CRMP1: variants seen among roughly 807,000 people sequenced by gnomAD.
CRMP1 encodes the protein dihydropyrimidinase-related protein 1.
CRMP1 carries 19 observed loss-of-function variants against 68.3 expected under a neutral mutation model. The ratio of observed to expected loss-of-function variants is 0.28; its 90% CI spans 0.19 to 0.41. CRMP1 has a LOEUF of 0.41. Among genes scored for constraint, CRMP1 ranks in the 10% least tolerant of loss-of-function variants. The probability of loss-of-function intolerance (pLI) is 1.00; values close to 1 mark genes in which losing one functional copy is unlikely to be tolerated. For missense variants in CRMP1, 791 were observed against 967.4 expected (o/e 0.82, Z 2.42); for synonymous variants, 439 against 399.6 (o/e 1.10, Z -1.18).
chr4:5,840,117 C>T (rs1711597961), intron 8 of CRMP1, among the ~76,000 whole-genome samples: 1 of 152,126 alleles, frequency 6.6e-6, no homozygotes, highest in South Asian at 2.1e-4. Flanking sequence ...GAGGAAGTGA[C>T]ATAAGGCAGG....
chr4:5,851,340 C>T (rs1712600547), intron 5 of CRMP1, 68 bp downstream of exon 5: 1 of 1,419,402 alleles, frequency 7.0e-7, no homozygotes, highest in African/African-American at 1.4e-5. Flanking sequence ...CCCTGTGCTG[C>T]CTGGACTGGC....
intron 3 of CRMP1, among the ~76,000 whole-genome samples, chr4:5,857,048 A>ACCACCAT (rs1713166774): frequency 1.0e-5 from 1 of 99,306 alleles, no homozygotes; most frequent in African/African-American, 3.9e-5. Context: ...CACTATTATC[A>ACCACCAT]CCACTATCAT....
chr4:5,868,261 C>CTATATATA lies in CRMP1; in HGVS notation c.382-1513_382-1506dup, dbSNP rs60816757. 2.4e-3 allele frequency among the ~76,000 whole-genome samples: 263 copies of CTATATATA among 111,364 alleles called. 1 individual carries two copies. Among genetic ancestry groups the CTATATATA allele is most frequent in the Non-Finnish European group, 3.1e-3 (175 of 56,210 alleles). The allele number at this position is 111,364 out of a possible 152,430, so 73.1% of individuals were successfully genotyped here. A position where few individuals can be genotyped will look rare whatever the true frequency, so the allele number is the denominator to read the frequency against. On this transcript the variant is annotated intron_variant, in intron 1 of 13. Coordinates refer to ENST00000324989, the MANE Select transcript of CRMP1 (RefSeq NM_001014809.3). ...CCGCACATTCTTCATGACTATATATCTATATATATATATATATATATATAT... is the reference window on the plus strand; with the variant it reads ...CCGCACATTCTTCATGACTATATATCTATATATATATATATATATATATATATATATAT...
Position 5,870,074 on chromosome 4 carries a change from T to C in CRMP1, c.382-3318A>G, listed in dbSNP as rs918084223. 3.3e-5 allele frequency among the ~76,000 whole-genome samples: 5 copies of C among 152,210 alleles called. No homozygotes were observed. The highest frequency in any genetic ancestry group is 6.5e-5 in the Admixed American group (1 of 15,282). On this transcript the variant is annotated intron_variant, in intron 1 of 13. Transcript: ENST00000324989. The surrounding 1 kb of genome is among the most constrained non-coding windows in gnomAD (Gnocchi z 6.0). ...CATGCAGTCGGCTGCTCAAAGCTTC[T>C]TGCATCAGAATCATACTTCCCTCAG... is the stretch of plus-strand genomic sequence containing the variant.
In CRMP1 at chr4:5,843,019, T is replaced by A; in HGVS notation, c.1032+74A>T. The A allele has an allele frequency of 6.9e-7, 1 of 1,458,944 alleles. No homozygotes were observed. Among genetic ancestry groups the A allele is most frequent in the South Asian group, 1.1e-5 (1 of 87,092 alleles). The allele number at this position is 1,458,944 out of a possible 1,614,324, so 90.4% of individuals were successfully genotyped here. ...AGAGGCCGGGTCCTGGCTGGGCTACTCCAGCTGGAACAGCATCAAGGTGAG... is the reference window on the plus strand; with the variant it reads ...AGAGGCCGGGTCCTGGCTGGGCTACACCAGCTGGAACAGCATCAAGGTGAG... On this transcript the variant is annotated intron_variant, in intron 7 of 13. Coordinates refer to ENST00000324989, the MANE Select transcript of CRMP1 (RefSeq NM_001014809.3). This position sits in a 1 kb window ranked among gnomAD's most constrained non-coding sequence, Gnocchi z 4.1.
chr4:5,824,666 T>A, intron 13 of CRMP1: 1 of 960,632 alleles, frequency 1.0e-6, no homozygotes, highest in Non-Finnish European at 1.2e-6. Context: ...ACATCCTAGA[T>A]GTTGACATCC....
At chr4:5,862,287 C>T (rs1214141272) in intron 2 of CRMP1, among the ~76,000 whole-genome samples, 1 of 147,926 alleles carries the variant, frequency 6.8e-6, no homozygotes, top group Non-Finnish European at 1.5e-5. Flanking sequence ...AGAATGTCCA[C>T]TGCCATTGCT....
In CRMP1 at chr4:5,842,598, TCA is replaced by T. The variant is rs34426438; in HGVS notation, c.1032+493_1032+494del. Reference sequence around the variant, plus strand: ...CATGCACCCACACTCACACACTCTCTCACACACACACACACACACTCACTCAC... The same window carrying T: ...CATGCACCCACACTCACACACTCTCTCACACACACACACACACTCACTCAC... On this transcript the variant is annotated intron_variant, in intron 7 of 13. Transcript: ENST00000324989. This position sits in a 1 kb window ranked among gnomAD's most constrained non-coding sequence, Gnocchi z 4.5. 0.36 allele frequency among the ~76,000 whole-genome samples: 49,016 copies of T among 136,204 alleles called. 8,786 individuals are homozygous for T. The highest frequency in any genetic ancestry group is 0.48 in the African/African-American group (19,023 of 39,782). 89.4% of individuals were successfully genotyped at this position (136,204 alleles called of 152,430 possible).
Position 5,881,537 on chromosome 4 carries a change from T to C in CRMP1, c.381+11052A>G, listed in dbSNP as rs969801401. Among the ~76,000 whole-genome samples the C allele has an allele frequency of 2.0e-5, 3 of 152,144 alleles. No individual in the cohort carries two copies. The highest frequency in any genetic ancestry group is 1.3e-4 in the Admixed American group (2 of 15,278). ...AGCTCTGATTGCACTTGGTTACCAT[T>C]CAGCACCGTGGTGCTGTCCACTGCC... is the stretch of plus-strand genomic sequence containing the variant. On this transcript the variant is annotated intron_variant, in intron 1 of 13. Coordinates refer to ENST00000324989, the MANE Select transcript of CRMP1 (RefSeq NM_001014809.3). This position sits in a 1 kb window ranked among gnomAD's most constrained non-coding sequence, Gnocchi z 4.6.
Position 5,828,528 on chromosome 4 carries a change from G to A in CRMP1, c.1764C>T (p.Phe588=), listed in dbSNP as rs778926538. 2.0e-5 allele frequency: 32 copies of A among 1,614,256 alleles called. No homozygotes were observed. The highest frequency in any genetic ancestry group is 2.5e-5 in the Non-Finnish European group (30 of 1,180,042). ...GMGRFIPRKA[F]PEHLYQRVKI... ...TGACGCGCTGGTACAGGTGCTCCGG[G>A]AACGCCTTCCGCGGAATGAAGCGGC... is the stretch of plus-strand genomic sequence containing the variant. The change falls in exon 12 of 14, where the codon TTC becomes TTT. Residue 588 remains phenylalanine (F), a synonymous_variant. Coordinates refer to ENST00000324989, the MANE Select transcript of CRMP1 (RefSeq NM_001014809.3).
chr4:5,826,487 A>AGGACGG (rs1719647784), intron 12 of CRMP1: 3 of 152,348 alleles, frequency 2.0e-5, no homozygotes, highest in Admixed American at 6.6e-5. Flanking sequence ...CAGGAGGACG[A>AGGACGG]GGAAGGAGGG....
intron 13 of CRMP1, among the ~76,000 whole-genome samples, chr4:5,823,623 G>A (rs1029423756): frequency 2.0e-5 from 3 of 152,188 alleles, no homozygotes; most frequent in Admixed American, 6.5e-5. Context: ...TTAGCTCTCG[G>A]AAGAACTGGT....
rs1714900132 is a variant in CRMP1 at position 5,877,163 on chromosome 4, C to T, written c.382-10407G>A. 6.6e-6 allele frequency among the ~76,000 whole-genome samples: 1 copy of T among 152,180 alleles called. No individual in the cohort carries two copies. The highest frequency in any genetic ancestry group is 2.4e-5 in the African/African-American group (1 of 41,440). On this transcript the variant is annotated intron_variant, in intron 1 of 13. Coordinates refer to ENST00000324989, the MANE Select transcript of CRMP1 (RefSeq NM_001014809.3). This position sits in a 1 kb window ranked among gnomAD's most constrained non-coding sequence, Gnocchi z 4.3. ...AGGATTTGAGGAGCACACCTGACCC[C>T]AACAGAAGACTGAAGACAAATTGAG... is the stretch of plus-strand genomic sequence containing the variant.
At chr4:5,822,377 G>A (rs1030428955) in intron 13 of CRMP1, among the ~76,000 whole-genome samples, 1 of 151,558 alleles carries the variant, frequency 6.6e-6, no homozygotes, top group Non-Finnish European at 1.5e-5. Flanking sequence ...CACTCCAAAG[G>A]TATTTTACAT....
Position 5,855,929 on chromosome 4 carries a change from T to G in CRMP1, c.820+214A>C, listed in dbSNP as rs1159724154. 1.3e-5 allele frequency among the ~76,000 whole-genome samples: 2 copies of G among 152,150 alleles called. No homozygotes were observed. Among genetic ancestry groups the G allele is most frequent in the African/African-American group, 4.8e-5 (2 of 41,450 alleles). On this transcript the variant is annotated intron_variant, in intron 4 of 13. Transcript: ENST00000324989. This position sits in a 1 kb window ranked among gnomAD's most constrained non-coding sequence, Gnocchi z 4.9. The stretch of plus-strand genomic sequence containing the variant: ...AGCAGGCTGCAGAGACTGGATCTGC[T>G]TCTGAGAACAAGGACACCCCCAGAG...
intron 1 of CRMP1, among the ~76,000 whole-genome samples, chr4:5,871,320 TAGGTAC>T (rs1714425413): frequency 1.3e-5 from 2 of 152,142 alleles, no homozygotes; most frequent in East Asian, 3.9e-4. Context: ...GAGATTTTAG[TAGGTAC>T]AGGCCCAGAC....
chr4:5,857,399 T>A (rs1713221130), intron 3 of CRMP1, among the ~76,000 whole-genome samples: 1 of 152,028 alleles, frequency 6.6e-6, no homozygotes, highest in South Asian at 2.1e-4. Flanking sequence ...ACTCCCACCA[T>A]CATCATTGTC....
Position 5,849,449 on chromosome 4 carries a change from A to G in CRMP1, c.906T>C (p.Leu302=), listed in dbSNP as rs768590517. The G allele has an allele frequency of 8.7e-6, 14 of 1,613,616 alleles. No homozygotes were observed. The highest frequency in any genetic ancestry group is 1.2e-5 in the Non-Finnish European group (14 of 1,179,738). ...DSQLYEAFTF[L]KGLGAVILVH... is the part of the protein sequence containing the mutation. ...CCAAGATCACAGCTCCCAGGCCCTT[A>G]AGGAAGGTAAAGGCTTCATAGAGCT... is the stretch of plus-strand genomic sequence containing the variant. Residue 302 remains leucine, a synonymous_variant, in exon 6 of 14, where the codon CTT becomes CTC. Transcript: ENST00000324989.
At chr4:5,863,148 C>T (rs1713715681) in intron 2 of CRMP1, among the ~76,000 whole-genome samples, 7 of 140,574 alleles carry the variant, frequency 5.0e-5, no homozygotes, top group Admixed American at 7.6e-5. Context: ...CAGGACATTT[C>T]CTGAACAGCC....
Sources: gnomAD v4.1 joint callset for allele counts (sites outside exome capture counted in the v4.1 genomes callset) on GRCh38, gnomAD v4.1.1 for gene constraint, Gnocchi (gnomAD v3.1) non-coding constraint, MANE v1.5 for transcripts, NCBI Gene and HGNC (gene_info 2026-07-23, HGNC 2026-07-21) for gene names.